The following NUBPL variants were observed in gnomAD, a reference collection of about 807,000 sequenced individuals.
NUBPL encodes the protein iron-sulfur cluster transfer protein NUBPL.
A neutral mutation model predicts 45.7 loss-of-function variants in NUBPL; 31 were observed. That is an observed-to-expected ratio of 0.68 (90% confidence interval 0.51 to 0.92). NUBPL has a LOEUF of 0.92. NUBPL is among the 40% of genes least tolerant of loss of function. The pLI is 0.00. For missense variants in NUBPL, 401 were observed against 398.7 expected (o/e 1.01, Z -0.05); for synonymous variants, 144 against 140.9 (o/e 1.02, Z -0.15).
chr14:31,840,206 A>G (rs2040346458), intron 8 of NUBPL, among the ~76,000 whole-genome samples: 1 of 152,206 alleles, frequency 6.6e-6, no homozygotes, highest in Admixed American at 6.5e-5. Flanking sequence ...ATCAACCAAC[A>G]GATGAATGGA....
chr14:31,834,962 G>C (rs145205162), intron 8 of NUBPL, among the ~76,000 whole-genome samples: 3 of 152,254 alleles, frequency 2.0e-5, no homozygotes, highest in Non-Finnish European at 2.9e-5. Flanking sequence ...AGAATCTAGG[G>C]TATAAGAGGG....
chr14:31,822,074 G>A (rs1287543344), intron 7 of NUBPL, among the ~76,000 whole-genome samples: 1 of 151,866 alleles, frequency 6.6e-6, no homozygotes, highest in Admixed American at 6.6e-5. Context: ...AGTGGCTAAT[G>A]GGTACAAAAA....
At chr14:31,847,183 T>C (rs2040467189) in intron 9 of NUBPL, among the ~76,000 whole-genome samples, 1 of 152,226 alleles carries the variant, frequency 6.6e-6, no homozygotes, top group Non-Finnish European at 1.5e-5. Flanking sequence ...AGCCATATTT[T>C]AAATGATACT....
At chr14:31,810,498 A>T (rs1410096688) in intron 7 of NUBPL, among the ~76,000 whole-genome samples, 1 of 151,550 alleles carries the variant, frequency 6.6e-6, no homozygotes, top group Non-Finnish European at 1.5e-5. Flanking sequence ...CTTTATTTTG[A>T]GCCTATGTAT....
rs531219964 is a variant in NUBPL, at chr14:31,645,158, C to T, written c.383-28197C>T. ...TTGGCTCACTGCAAGCTCCGCCTCC[C>T]GGGTTCACGCCATTCTCCTGCCTCA... is the stretch of plus-strand genomic sequence containing the variant. On this transcript the variant is annotated intron_variant, in intron 4 of 10. Transcript: ENST00000281081. 1.3e-4 allele frequency among the ~76,000 whole-genome samples: 19 copies of T among 151,828 alleles called. No homozygotes were observed. The East Asian group carries it at 1.7e-3, about 14-fold the overall frequency.
chr14:31,697,624 G>A (rs1183560023), intron 6 of NUBPL, among the ~76,000 whole-genome samples: 1 of 152,172 alleles, frequency 6.6e-6, no homozygotes, highest in Non-Finnish European at 1.5e-5. Flanking sequence ...TAAATATACA[G>A]CATTGAAAAC....
rs187351005 is a variant in NUBPL at position 31,599,502 on chromosome 14, A to C, written c.382+123A>C. The C allele has an allele frequency of 7.0e-4, 475 of 675,024 alleles. 1 individual carries two copies. In the African/African-American group the frequency reaches 7.5e-3, roughly 11 times the overall value. The allele number at this position is 675,024 out of a possible 1,614,324, so 41.8% of individuals were successfully genotyped here. Reference sequence around the variant, plus strand: ...CACAATGTAGTGTAAGTCCTCACTTAAGTTAGTAGATTCTTGGAAACTGTT... The same window carrying C: ...CACAATGTAGTGTAAGTCCTCACTTCAGTTAGTAGATTCTTGGAAACTGTT... On this transcript the variant is annotated intron_variant, in intron 4 of 10. Transcript: ENST00000281081.
chr14:31,562,284 A>G, intron 2 of NUBPL, 69 bp downstream of exon 2: 1 of 1,399,296 alleles, frequency 7.1e-7, no homozygotes, highest in Non-Finnish European at 9.8e-7. Flanking sequence ...CACTATTGAA[A>G]TTATAGTTTT....
At chr14:31,683,198 T>C (rs2036873596) in intron 6 of NUBPL, among the ~76,000 whole-genome samples, 1 of 151,784 alleles carries the variant, frequency 6.6e-6, no homozygotes, top group African/African-American at 2.4e-5. Context: ...TAGAGAGACA[T>C]CTATCCAAAC....
At chr14:31,766,574 T>TA (rs1157722407) in intron 6 of NUBPL, among the ~76,000 whole-genome samples, 1 of 152,164 alleles carries the variant, frequency 6.6e-6, no homozygotes, top group African/African-American at 2.4e-5. Context: ...ATTATAGTAA[T>TA]ACCCATTTAC....
chr14:31,855,086 T>G (rs898451599), intron 10 of NUBPL, among the ~76,000 whole-genome samples: 18 of 96,988 alleles, frequency 1.9e-4, no homozygotes, highest in Non-Finnish European at 3.3e-4. Context: ...GATAGGTTTA[T>G]GTCTCTAATG....
chr14:31,798,985 C>T (rs1213747136), intron 7 of NUBPL, among the ~76,000 whole-genome samples: 1 of 151,716 alleles, frequency 6.6e-6, no homozygotes, highest in Admixed American at 6.6e-5. Context: ...CTAGAAACTA[C>T]AGGAACACTA....
At chr14:31,709,513 A>G (rs2037524172) in intron 6 of NUBPL, among the ~76,000 whole-genome samples, 1 of 152,042 alleles carries the variant, frequency 6.6e-6, no homozygotes, top group Admixed American at 6.6e-5. Flanking sequence ...TTACTTGACT[A>G]AGATACCAAG....
chr14:31,578,120 A>C, intron 3 of NUBPL: 1 of 536,986 alleles, frequency 1.9e-6, no homozygotes, highest in Admixed American at 2.3e-5. Flanking sequence ...ATTACCAAGG[A>C]ATCATTTTGA....
chr14:31,774,375 C>G (rs1404421395), intron 6 of NUBPL, among the ~76,000 whole-genome samples: 1 of 152,156 alleles, frequency 6.6e-6, no homozygotes, highest in East Asian at 1.9e-4. Context: ...AGCTGAGAAG[C>G]CTAAAATGGA....
intron 6 of NUBPL, among the ~76,000 whole-genome samples, chr14:31,674,297 A>G (rs2036641167): frequency 6.6e-6 from 1 of 152,204 alleles, no homozygotes; most frequent in Non-Finnish European, 1.5e-5. Context: ...GGCACCATGC[A>G]ATAGGTTGAT....
At chr14:31,814,975 C>G (rs1057433534) in intron 7 of NUBPL, among the ~76,000 whole-genome samples, 1 of 152,142 alleles carries the variant, frequency 6.6e-6, no homozygotes, top group African/African-American at 2.4e-5. Context: ...TAGCGTGATG[C>G]CTCCAGCTTT....
chr14:31,656,872 A>C (rs1048153735), intron 4 of NUBPL, among the ~76,000 whole-genome samples: 4 of 152,232 alleles, frequency 2.6e-5, no homozygotes, highest in African/African-American at 4.8e-5. Flanking sequence ...ATTTGTAAAA[A>C]ATGCAGTAAC....
At chr14:31,776,888 T>G (rs1432188123) in intron 6 of NUBPL, among the ~76,000 whole-genome samples, 1 of 152,214 alleles carries the variant, frequency 6.6e-6, no homozygotes, top group Non-Finnish European at 1.5e-5. Flanking sequence ...AAGAAGTTAC[T>G]TCAACCCAGT....
Sources: gnomAD v4.1 joint callset for allele counts (sites outside exome capture counted in the v4.1 genomes callset) on GRCh38, gnomAD v4.1.1 for gene constraint, MANE v1.5 for transcripts, NCBI Gene and HGNC (gene_info 2026-07-23, HGNC 2026-07-21) for gene names.